RASGRF2: variants seen among roughly 807,000 people sequenced by gnomAD.
RASGRF2 encodes Ras protein specific guanine nucleotide releasing factor 2, also known as ras-specific guanine nucleotide-releasing factor 2.
Under a neutral mutation model 151.0 loss-of-function variants are expected in RASGRF2, and 76 were observed. The observed-to-expected ratio is 0.50, with a 90% confidence interval of 0.42 to 0.61. The LOEUF (loss-of-function observed/expected upper bound fraction) is 0.61. RASGRF2 is among the 20% of genes least tolerant of loss of function. RASGRF2 has a pLI of 0.00. For missense variants in RASGRF2, 1,148 were observed against 1,564.6 expected (o/e 0.73, Z 4.49); for synonymous variants, 504 against 566.5 (o/e 0.89, Z 1.57).
chr5:80,987,196 G>C (rs1451631250), intron 1 of RASGRF2, among the ~76,000 whole-genome samples: 1 of 152,114 alleles, frequency 6.6e-6, no homozygotes, highest in East Asian at 1.9e-4. Flanking sequence ...TCTGTCCTTT[G>C]CTTCTGGACT....
At chr5:81,194,030 G>A (rs1474350514) in intron 18 of RASGRF2, among the ~76,000 whole-genome samples, 1 of 151,988 alleles carries the variant, frequency 6.6e-6, no homozygotes, top group Admixed American at 6.5e-5. Context: ...TGCTATTGAC[G>A]ATTAAATGAG....
intron 1 of RASGRF2, among the ~76,000 whole-genome samples, chr5:80,978,933 A>G (rs1748214472): frequency 6.6e-6 from 1 of 152,186 alleles, no homozygotes; most frequent in Non-Finnish European, 1.5e-5. Context: ...TAAGGACTGT[A>G]CAGCATTCTA....
At chr5:81,213,163 T>C (rs1755661670) in intron 23 of RASGRF2, among the ~76,000 whole-genome samples, 1 of 152,192 alleles carries the variant, frequency 6.6e-6, no homozygotes, top group Non-Finnish European at 1.5e-5. Flanking sequence ...GGAGGGCATC[T>C]CTGGGCTTTT....
intron 1 of RASGRF2, among the ~76,000 whole-genome samples, chr5:81,020,994 CGATGT>C (rs1749807401): frequency 6.6e-6 from 1 of 152,156 alleles, no homozygotes; most frequent in African/African-American, 2.4e-5. Flanking sequence ...ATTCACATAC[CGATGT>C]GAACGCACCA....
At position 81,113,573 on chromosome 5, in the gene RASGRF2, A is replaced by G. The variant is rs779963123; in HGVS notation, c.2123A>G (p.Asn708Ser). ...LELFFATSQN[N>S]RGEHLVDGKS... is the part of the protein sequence containing the mutation. The stretch of plus-strand genomic sequence containing the variant: ...TTGTTTTTTGCTACCAGCCAGAACA[A>G]CAGAGGTGAACATTTGGTGGATGGC... The change falls in exon 15 of 27, where the codon AAC (asparagine) becomes AGC (serine). Residue 708 changes from asparagine (N) to serine (S), a missense_variant. Asn to Ser is a conservative substitution (Grantham distance 46). This residue lies in a region of RASGRF2 where 646 missense variants were observed against 807.4 expected (regional missense o/e 0.80). Coordinates refer to ENST00000265080, the MANE Select transcript of RASGRF2 (RefSeq NM_006909.3). 71 of 1,610,466 alleles carry G rather than the reference A, an allele frequency of 4.4e-5. No individual in the cohort carries two copies. The Admixed American group carries it at 1.2e-3, about 26-fold the overall frequency.
intron 5 of RASGRF2, among the ~76,000 whole-genome samples, chr5:81,078,080 G>T (rs1464583903): frequency 1.3e-5 from 2 of 151,992 alleles, no homozygotes; most frequent in African/African-American, 4.8e-5. Flanking sequence ...AATTTTTATG[G>T]ATACATTTTA....
At chr5:81,034,014 A>C (rs1285245331) in intron 1 of RASGRF2, among the ~76,000 whole-genome samples, 2 of 152,228 alleles carry the variant, frequency 1.3e-5, no homozygotes, top group African/African-American at 4.8e-5. Context: ...TTCTCAAAAG[A>C]AGACATTTAT....
chr5:81,047,226 A>C (rs17210066), intron 2 of RASGRF2, among the ~76,000 whole-genome samples: 1 of 152,184 alleles, frequency 6.6e-6, no homozygotes, highest in Non-Finnish European at 1.5e-5. Flanking sequence ...AAAGGAAGGA[A>C]ACTGTGAGAC....
intron 15 of RASGRF2, among the ~76,000 whole-genome samples, chr5:81,116,026 G>A (rs896092719): frequency 3.7e-5 from 5 of 136,256 alleles, no homozygotes; most frequent in African/African-American, 1.3e-4. Context: ...GAATATATAA[G>A]TAAAGGTGTG....
In RASGRF2 at chr5:81,229,916, C is replaced by G. The variant is rs1200958283; in HGVS notation, c.*4146C>G. On this transcript the variant is annotated 3_prime_UTR_variant, in exon 27 of 27. Coordinates refer to ENST00000265080, the MANE Select transcript of RASGRF2 (RefSeq NM_006909.3). ...GCAAAGTGCTGTCCGCACATGAGGT[C>G]ATCTGATTACTGTCCTCAGATCTCT... is the stretch of plus-strand genomic sequence containing the variant. 1 of 152,240 alleles carries G rather than the reference C, an allele frequency of 6.6e-6. No individual in the cohort carries two copies. Among genetic ancestry groups the G allele is most frequent in the Non-Finnish European group, 1.5e-5 (1 of 68,048 alleles). 9.4% of individuals were successfully genotyped at this position (152,240 alleles called of 1,614,324 possible). A position where few individuals can be genotyped will look rare whatever the true frequency, so the allele number is the denominator to read the frequency against.
intron 18 of RASGRF2, among the ~76,000 whole-genome samples, chr5:81,201,076 AGTT>A (rs1755377659): frequency 6.6e-6 from 1 of 152,100 alleles, no homozygotes. Flanking sequence ...TCCTAGAGGC[AGTT>A]GTTCTCAACA....
At chr5:81,218,225 C>G (rs1210083699) in intron 25 of RASGRF2, among the ~76,000 whole-genome samples, 1 of 152,130 alleles carries the variant, frequency 6.6e-6, no homozygotes, top group Admixed American at 6.5e-5. Flanking sequence ...GGGACTAATA[C>G]CCGATGTGGG....
intron 2 of RASGRF2, among the ~76,000 whole-genome samples, chr5:81,065,021 G>A (rs1288952552): frequency 6.6e-6 from 1 of 152,082 alleles, no homozygotes; most frequent in Admixed American, 6.6e-5. Flanking sequence ...AAGCTGCTAC[G>A]AGTTCTACAG....
intron 2 of RASGRF2, among the ~76,000 whole-genome samples, chr5:81,059,158 T>C (rs2112432780): frequency 6.6e-6 from 1 of 151,470 alleles, no homozygotes; most frequent in East Asian, 2.0e-4. Flanking sequence ...CTGAAGCCGG[T>C]GGATCACGAG....
intron 1 of RASGRF2, among the ~76,000 whole-genome samples, chr5:81,035,228 A>G (rs1289728911): frequency 6.6e-6 from 1 of 152,168 alleles, no homozygotes; most frequent in Non-Finnish European, 1.5e-5. Flanking sequence ...TCCATCAATG[A>G]TAGACTGGAT....
At position 81,081,514 on chromosome 5, in the gene RASGRF2, T is replaced by C. The variant is rs191045528; in HGVS notation, c.1161+725T>C. On this transcript the variant is annotated intron_variant, in intron 7 of 26. Transcript: ENST00000265080. ...AGGCCAAAATGTGCATTGAATCTCC[T>C]GTTGTTTTGAAAAGTGTCGATTCTG... Among the ~76,000 whole-genome samples, 218 of 152,334 alleles carry C rather than the reference T, an allele frequency of 1.4e-3. 1 individual carries two copies. Among genetic ancestry groups the C allele is most frequent in the African/African-American group, 4.9e-3 (203 of 41,578 alleles).
intron 1 of RASGRF2, among the ~76,000 whole-genome samples, chr5:81,031,699 A>G (rs1024101611): frequency 7.9e-5 from 12 of 152,242 alleles, no homozygotes; most frequent in Non-Finnish European, 1.5e-4. Context: ...AGAAAGCAGG[A>G]AAGATCTAAA....
chr5:80,962,002 G>A (rs1037554173), intron 1 of RASGRF2, among the ~76,000 whole-genome samples: 3 of 152,206 alleles, frequency 2.0e-5, no homozygotes, highest in Non-Finnish European at 2.9e-5. Context: ...ATTCGCAGCT[G>A]AATTTTCCAT....
intron 19 of RASGRF2, among the ~76,000 whole-genome samples, chr5:81,201,647 G>T (rs1199455590): frequency 6.6e-6 from 1 of 152,196 alleles, no homozygotes; most frequent in African/African-American, 2.4e-5. Context: ...GGTATAACTC[G>T]TGTGGAGTGC....
Sources: allele counts gnomAD v4.1 joint callset (sites outside exome capture counted in the v4.1 genomes callset), GRCh38; gene constraint gnomAD v4.1.1; regional missense constraint gnomAD v4.1.1; transcripts MANE v1.5; gene names NCBI Gene and HGNC (gene_info 2026-07-23, HGNC 2026-07-21).